Variants in WSCD2 observed in about 807,000 individuals in gnomAD.
WSCD2 encodes WSC domain sialate O sulfotransferase 2.
A neutral mutation model predicts 55.7 loss-of-function variants in WSCD2; 28 were observed. That is an observed-to-expected ratio of 0.50 (90% CI 0.37 to 0.69). WSCD2 has a LOEUF of 0.69. Among genes scored for constraint, WSCD2 ranks in the 30% least tolerant of loss-of-function variants. The pLI, the probability that WSCD2 is intolerant of heterozygous loss-of-function variation, is 0.00. For missense variants in WSCD2, 616 were observed against 762.1 expected (o/e 0.81, Z 2.26); for synonymous variants, 301 against 301.9 (o/e 1.00, Z 0.03).
At chr12:108,217,222 G>A (rs772848931) in intron 4 of WSCD2, among the ~76,000 whole-genome samples, 103 of 152,220 alleles carry the variant, frequency 6.8e-4, no homozygotes, top group Non-Finnish European at 1.0e-3. Flanking sequence ...TTAAAGCCAA[G>A]GCCCTTTCCT....
chr12:108,196,160 G>T lies in WSCD2; in HGVS notation c.328G>T (p.Ala110Ser), dbSNP rs767826153. 8 of 1,614,022 alleles carry T rather than the reference G, an allele frequency of 5.0e-6. No individual in the cohort carries two copies. Among genetic ancestry groups the T allele is most frequent in the Non-Finnish European group, 6.8e-6 (8 of 1,180,028 alleles). Residue 110 changes from alanine to serine, a missense_variant, in exon 2 of 9, where the codon GCC (alanine) becomes TCC (serine). Ala to Ser is a moderately conservative substitution (Grantham distance 99). Coordinates refer to ENST00000547525, the MANE Select transcript of WSCD2 (RefSeq NM_014653.4). Reference protein sequence around the residue: ...ERAKLGDYGGAWSRALKGRVV... With the variant: ...ERAKLGDYGGSWSRALKGRVV... ...AGCCAAGCTTGGCGACTACGGTGGA[G>T]CCTGGAGCCGAGCCCTCAAGGGGAG...
chr12:108,144,342 C>A (rs755835549), intron 1 of WSCD2, among the ~76,000 whole-genome samples: 2 of 152,156 alleles, frequency 1.3e-5, no homozygotes, highest in Non-Finnish European at 2.9e-5. Context: ...CTGAGCTGTG[C>A]CATTTGTAAT....
intron 1 of WSCD2, among the ~76,000 whole-genome samples, chr12:108,158,415 G>A (rs921829172): frequency 8.4e-5 from 11 of 131,498 alleles, no homozygotes; most frequent in African/African-American, 2.5e-4. Flanking sequence ...ACAACCTGGC[G>A]TTAGGCTGCG....
At chr12:108,211,116 C>T (rs1886089186) in intron 4 of WSCD2, among the ~76,000 whole-genome samples, 1 of 152,236 alleles carries the variant, frequency 6.6e-6, no homozygotes, top group Non-Finnish European at 1.5e-5. Flanking sequence ...TCCCTACAGC[C>T]TTTTCAGGTA....
chr12:108,155,984 CCA>C (rs1491280189), intron 1 of WSCD2, among the ~76,000 whole-genome samples: 1 of 152,160 alleles, frequency 6.6e-6, no homozygotes, highest in East Asian at 1.9e-4. Context: ...GCTGTGCCCC[CCA>C]CACACATACC....
At chr12:108,200,135 G>A (rs1426045509) in intron 2 of WSCD2, among the ~76,000 whole-genome samples, 1 of 152,130 alleles carries the variant, frequency 6.6e-6, no homozygotes, top group African/African-American at 2.4e-5. Flanking sequence ...GGTGGCCATG[G>A]GAAGATTTAG....
chr12:108,237,131 G>A (rs927554498), intron 7 of WSCD2, among the ~76,000 whole-genome samples: 1 of 152,214 alleles, frequency 6.6e-6, no homozygotes, highest in Non-Finnish European at 1.5e-5. Flanking sequence ...TCCATGCCTG[G>A]AGCCAAGATG....
intron 1 of WSCD2, among the ~76,000 whole-genome samples, chr12:108,156,383 G>C (rs1565922255): frequency 2.0e-5 from 3 of 152,322 alleles, no homozygotes; most frequent in East Asian, 3.9e-4. Flanking sequence ...TCAATCAATA[G>C]TAGCAGTTAT....
intron 4 of WSCD2, among the ~76,000 whole-genome samples, chr12:108,224,241 C>G (rs1887832142): frequency 5.4e-5 from 5 of 93,450 alleles, no homozygotes; most frequent in Admixed American, 4.7e-4. Flanking sequence ...AGGCCCAGGA[C>G]TTTTCCCGTA....
At chr12:108,191,837 G>A (rs563508381) in intron 1 of WSCD2, among the ~76,000 whole-genome samples, 1 of 152,128 alleles carries the variant, frequency 6.6e-6, no homozygotes, top group Non-Finnish European at 1.5e-5. Context: ...TCTGAAAGTG[G>A]GGGGTGGACA....
At chr12:108,136,113 G>A (rs1876184017) in intron 1 of WSCD2, among the ~76,000 whole-genome samples, 1 of 152,224 alleles carries the variant, frequency 6.6e-6, no homozygotes, top group Non-Finnish European at 1.5e-5. Context: ...ATCCACAGGT[G>A]AGGCATCTGA....
At chr12:108,173,810 C>CTCTCTGTGTG (rs376999073) in intron 1 of WSCD2, among the ~76,000 whole-genome samples, 1,590 of 131,202 alleles carry the variant, frequency 0.012, 20 homozygotes, top group East Asian at 0.03. Context: ...TCCTGGCTCT[C>CTCTCTGTGTG]TGTGTGTGTG....
intron 4 of WSCD2, among the ~76,000 whole-genome samples, chr12:108,220,584 C>T (rs758369843): frequency 4.6e-5 from 7 of 152,166 alleles, no homozygotes; most frequent in Non-Finnish European, 8.8e-5. Flanking sequence ...GGCTGGAGTG[C>T]GGGGGCATGA....
At position 108,140,271 on chromosome 12, in the gene WSCD2, A is replaced by G. The variant is rs186851805; in HGVS notation, c.-552+10345A>G. 8.5e-4 allele frequency among the ~76,000 whole-genome samples: 130 copies of G among 152,322 alleles called. 1 individual carries two copies. The highest frequency in any genetic ancestry group is 3.0e-3 in the African/African-American group (125 of 41,570). On this transcript the variant is annotated intron_variant, in intron 1 of 8. Coordinates refer to ENST00000547525, the MANE Select transcript of WSCD2 (RefSeq NM_014653.4). ...ACTGGAAGGGCTGAGTGAAGATTCA[A>G]TGACCTAAAATGGCGCCTAGCATAT... is the stretch of plus-strand genomic sequence containing the variant.
chr12:108,149,030 T>C (rs1035575455), intron 1 of WSCD2, among the ~76,000 whole-genome samples: 1 of 152,182 alleles, frequency 6.6e-6, no homozygotes, highest in Non-Finnish European at 1.5e-5. Context: ...CCTTTCTGTT[T>C]AGTCAGCAGA....
chr12:108,162,631 T>C (rs1016651185), intron 1 of WSCD2, among the ~76,000 whole-genome samples: 2 of 152,212 alleles, frequency 1.3e-5, no homozygotes, highest in African/African-American at 2.4e-5. Flanking sequence ...CTTGGATGTT[T>C]ATTCCCTCCT....
rs1890245275 is a variant in WSCD2, at chr12:108,248,523, C to T, written c.*180C>T. 5.6e-6 allele frequency: 8 copies of T among 1,418,240 alleles called. No homozygotes were observed. The South Asian group carries it at 1.1e-4, about 19-fold the overall frequency. 87.9% of individuals were successfully genotyped at this position (1,418,240 alleles called of 1,614,324 possible). Reference sequence around the variant, plus strand: ...GAGGAGGCTCAAGGGAAGAGATTGCCCAGGCACTACCACTCTGCTCACATG... The same window carrying T: ...GAGGAGGCTCAAGGGAAGAGATTGCTCAGGCACTACCACTCTGCTCACATG... On this transcript the variant is annotated 3_prime_UTR_variant, in exon 9 of 9. Transcript: ENST00000547525. This position sits in a 1 kb window ranked among gnomAD's most constrained non-coding sequence, Gnocchi z 4.3.
intron 1 of WSCD2, among the ~76,000 whole-genome samples, chr12:108,153,973 G>A (rs1452229109): frequency 6.6e-6 from 1 of 152,086 alleles, no homozygotes; most frequent in Non-Finnish European, 1.5e-5. Flanking sequence ...GATGCTGCTG[G>A]AAGGTTTTTC....
At position 108,210,193 on chromosome 12, in the gene WSCD2, G is replaced by A. The variant is rs867480699; in HGVS notation, c.570G>A (p.Val190=). 9.3e-6 allele frequency: 15 copies of A among 1,613,978 alleles called. No homozygotes were observed. The highest frequency in any genetic ancestry group is 1.3e-5 in the African/African-American group (1 of 74,920). Residue 190 remains valine (V), a synonymous_variant, in exon 4 of 9, where the codon GTG becomes GTA. Coordinates refer to ENST00000547525, the MANE Select transcript of WSCD2 (RefSeq NM_014653.4). The surrounding 1 kb of genome is among the most constrained non-coding windows in gnomAD (Gnocchi z 4.3). Reference sequence around the variant, plus strand: ...GCCACAAGATCCAGGCGACGAACGTGAGCGAGGCAGAGTGCGACATGGAGT... The same window carrying A: ...GCCACAAGATCCAGGCGACGAACGTAAGCGAGGCAGAGTGCGACATGGAGT... ...YCGHKIQATN[V]SEAECDMECK...
Sources: allele counts gnomAD v4.1 joint callset (sites outside exome capture counted in the v4.1 genomes callset), GRCh38; gene constraint gnomAD v4.1.1; non-coding constraint Gnocchi (gnomAD v3.1); transcripts MANE v1.5; gene names NCBI Gene and HGNC (gene_info 2026-07-23, HGNC 2026-07-21).